CAMK2D: variants seen among roughly 807,000 people sequenced by gnomAD.
CAMK2D encodes calcium/calmodulin-dependent protein kinase type II subunit delta.
A neutral mutation model predicts 84.0 loss-of-function variants in CAMK2D; 37 were observed. That is an observed-to-expected ratio of 0.44 (90% CI 0.34 to 0.58). CAMK2D has a LOEUF of 0.58. Among genes scored for constraint, CAMK2D ranks in the 20% least tolerant of loss-of-function variants. The pLI, the probability that CAMK2D is intolerant of heterozygous loss-of-function variation, is 0.02. For synonymous variants in CAMK2D, 202 were observed against 212.5 expected, an observed-to-expected ratio of 0.95 and a Z score of 0.43; for missense variants, 448 against 652.5, an observed-to-expected ratio of 0.69 and a Z score of 3.41.
chr4:113,684,241 T>C (rs2099353432), intron 2 of CAMK2D, among the ~76,000 whole-genome samples: 1 of 152,232 alleles, frequency 6.6e-6, no homozygotes, highest in Admixed American at 6.5e-5. Context: ...TAAATGCATC[T>C]GTGAGTACAT....
At chr4:113,528,727 T>C (rs556257148) in intron 8 of CAMK2D, among the ~76,000 whole-genome samples, 1 of 152,336 alleles carries the variant, frequency 6.6e-6, no homozygotes, top group Admixed American at 6.5e-5. Context: ...AATATGATTG[T>C]ATCCTTCACA....
rs148168209 is a variant in CAMK2D, at chr4:113,586,359, AT to A, written c.275+22792del. On this transcript the variant is annotated intron_variant, in intron 4 of 20. Coordinates refer to ENST00000511664, the MANE Select transcript of CAMK2D (RefSeq NM_001321571.2). Reference sequence around the variant, plus strand: ...GAAAAGAGGACCTGAGACCAGCTGAATTTGGGCCACCATTGAGCAACATTTG... The same window carrying A: ...GAAAAGAGGACCTGAGACCAGCTGAATTGGGCCACCATTGAGCAACATTTG... Among the ~76,000 whole-genome samples the A allele has an allele frequency of 3.6e-3, 549 of 152,296 alleles. 1 individual carries two copies. Among genetic ancestry groups the A allele is most frequent in the Non-Finnish European group, 5.7e-3 (388 of 68,020 alleles).
intron 2 of CAMK2D, among the ~76,000 whole-genome samples, chr4:113,735,574 T>C (rs2099579443): frequency 6.6e-6 from 1 of 152,152 alleles, no homozygotes; most frequent in South Asian, 2.1e-4. Flanking sequence ...TTACAGTGTT[T>C]TCATAATAAA....
At chr4:113,711,482 T>C (rs1172346750) in intron 2 of CAMK2D, among the ~76,000 whole-genome samples, 1 of 152,128 alleles carries the variant, frequency 6.6e-6, no homozygotes, top group Non-Finnish European at 1.5e-5. Flanking sequence ...ACTAAGGAGA[T>C]TGTGCCTATT....
rs548594500 is a variant in CAMK2D at position 113,479,776 on chromosome 4, AACAC to A, written c.1136-14176_1136-14173del. On this transcript the variant is annotated intron_variant, in intron 16 of 20. Transcript: ENST00000511664. Reference sequence around the variant, plus strand: ...TCAGAAAATAGAAACGATGTTTAAAAACACACACACAGTTCTCTCTGGATTTATG... The same window carrying A: ...TCAGAAAATAGAAACGATGTTTAAAAACACACAGTTCTCTCTGGATTTATG... Among the ~76,000 whole-genome samples the A allele has an allele frequency of 3.1e-4, 47 of 152,296 alleles. 1 individual carries two copies. In the South Asian group the frequency reaches 6.4e-3, roughly 21 times the overall value.
At chr4:113,738,860 G>A (rs2148890862) in intron 2 of CAMK2D, among the ~76,000 whole-genome samples, 1 of 151,918 alleles carries the variant, frequency 6.6e-6, no homozygotes. Flanking sequence ...GATGTAATAT[G>A]GGGAACAATA....
intron 13 of CAMK2D, among the ~76,000 whole-genome samples, chr4:113,507,616 A>ATAAT (rs138249888): frequency 6.6e-6 from 1 of 152,134 alleles, no homozygotes; most frequent in African/African-American, 2.4e-5. Context: ...TTTGTGTGAT[A>ATAAT]TAATTATTTT....
intron 4 of CAMK2D, among the ~76,000 whole-genome samples, chr4:113,597,172 C>T (rs530983594): frequency 6.6e-6 from 1 of 152,288 alleles, no homozygotes; most frequent in Admixed American, 6.5e-5. Context: ...TTAAAGTCAT[C>T]ATATGCATTA....
chr4:113,761,037 G>A lies in CAMK2D; in HGVS notation c.32C>T (p.Thr11Met). The change falls in exon 1 of 21, where the codon ACG becomes ATG. Residue 11 changes from threonine (T) to methionine (M), a missense_variant. Coordinates refer to ENST00000511664, the MANE Select transcript of CAMK2D (RefSeq NM_001321571.2). MASTTTCTRF[T>M]DEYQLFEELG... ...CTCCTCGAAAAGCTGATACTCGTCC[G>A]TGAACCTGGTGCAGGTTGTGGTCGA... is the stretch of plus-strand genomic sequence containing the variant. 6.2e-7 allele frequency: 1 copy of A among 1,614,188 alleles called. No homozygotes were observed.
intron 2 of CAMK2D, among the ~76,000 whole-genome samples, chr4:113,725,833 A>C (rs2099544188): frequency 6.6e-6 from 1 of 152,166 alleles, no homozygotes; most frequent in Non-Finnish European, 1.5e-5. Context: ...ATGGACACTA[A>C]ATTTGGAGAT....
intron 4 of CAMK2D, among the ~76,000 whole-genome samples, chr4:113,565,201 G>A (rs551022930): frequency 1.9e-4 from 29 of 152,322 alleles, no homozygotes; most frequent in African/African-American, 6.5e-4. Flanking sequence ...AAAGAGAACA[G>A]GCAAGGTAGG....
intron 2 of CAMK2D, among the ~76,000 whole-genome samples, chr4:113,674,101 A>G (rs1456603615): frequency 6.6e-6 from 1 of 152,122 alleles, no homozygotes; most frequent in African/African-American, 2.4e-5. Flanking sequence ...CATGTCCAAT[A>G]CCCTTTGGAA....
At chr4:113,674,598 C>A (rs2099310566) in intron 2 of CAMK2D, among the ~76,000 whole-genome samples, 1 of 152,062 alleles carries the variant, frequency 6.6e-6, no homozygotes, top group Non-Finnish European at 1.5e-5. Flanking sequence ...AACTTCAAAG[C>A]TGGCAGACAA....
At chr4:113,664,479 T>C (rs556097324) in intron 2 of CAMK2D, among the ~76,000 whole-genome samples, 2 of 152,198 alleles carry the variant, frequency 1.3e-5, no homozygotes, top group African/African-American at 4.8e-5. Flanking sequence ...GCTGGCATAG[T>C]TGTTGGCAGT....
chr4:113,537,826 G>A (rs1285177874), intron 6 of CAMK2D, among the ~76,000 whole-genome samples: 1 of 152,152 alleles, frequency 6.6e-6, no homozygotes, highest in African/African-American at 2.4e-5. Flanking sequence ...AAGGAAACTT[G>A]GCAAAATAAT....
intron 4 of CAMK2D, among the ~76,000 whole-genome samples, chr4:113,560,775 T>A (rs2098694544): frequency 6.6e-6 from 1 of 152,216 alleles, no homozygotes; most frequent in South Asian, 2.1e-4. Flanking sequence ...TATTGCAGTT[T>A]ATGAAGAATT....
chr4:113,503,094 A>C, intron 14 of CAMK2D, 117 bp from the exon 15 acceptor site: 1 of 791,594 alleles, frequency 1.3e-6, no homozygotes, highest in Non-Finnish European at 2.3e-6. Context: ...CAAGAGCTAA[A>C]GCGATGTTAA....
At chr4:113,610,733 T>C (rs2098996533) in intron 3 of CAMK2D, among the ~76,000 whole-genome samples, 1 of 152,198 alleles carries the variant, frequency 6.6e-6, no homozygotes, top group Admixed American at 6.5e-5. Context: ...CTTGAGTGCA[T>C]GAAATGTAAG....
chr4:113,591,561 C>A (rs1185852336), intron 4 of CAMK2D, among the ~76,000 whole-genome samples: 1 of 152,180 alleles, frequency 6.6e-6, no homozygotes, highest in Non-Finnish European at 1.5e-5. Flanking sequence ...TGTATCTCAT[C>A]AGGTCACTCC....
Sources: gnomAD v4.1 joint callset for allele counts (sites outside exome capture counted in the v4.1 genomes callset) on GRCh38, gnomAD v4.1.1 for gene constraint, MANE v1.5 for transcripts, NCBI Gene and HGNC (gene_info 2026-07-23, HGNC 2026-07-21) for gene names.